The following SYT1 variants were observed in gnomAD, a reference collection of about 807,000 sequenced individuals.
The protein encoded by SYT1 is synaptotagmin-1.
In SYT1, 8 loss-of-function variants were observed where a neutral mutation model predicts 44.8. The observed-to-expected ratio is 0.18, with a 90% CI of 0.10 to 0.32. The LOEUF is 0.32. Ranked by LOEUF, SYT1 falls within the 10% of genes least tolerant of loss-of-function variation. The probability of loss-of-function intolerance (pLI) is 1.00; values close to 1 mark genes in which losing one functional copy is unlikely to be tolerated. For synonymous variants in SYT1, 154 were observed against 188.8 expected (o/e 0.82, Z 1.51); for missense variants, 286 against 509.3 (o/e 0.56, Z 4.22).
chr12:78,938,905 A>T (rs756530280), intron 1 of SYT1, among the ~76,000 whole-genome samples: 3 of 152,206 alleles, frequency 2.0e-5, no homozygotes, highest in Non-Finnish European at 4.4e-5. Flanking sequence ...CACTCTGCTT[A>T]AGAATCACTA....
At chr12:79,285,632 C>T (rs1291604609) in intron 4 of SYT1, among the ~76,000 whole-genome samples, 155 bp from the exon 5 acceptor site, 26 of 152,154 alleles carry the variant, frequency 1.7e-4, no homozygotes. Flanking sequence ...AGGGAGACAA[C>T]AACATGGATA....
At chr12:79,098,631 C>T (rs980861775) in intron 3 of SYT1, among the ~76,000 whole-genome samples, 2 of 152,124 alleles carry the variant, frequency 1.3e-5, no homozygotes, top group Admixed American at 1.3e-4. Context: ...ATTTAATGTT[C>T]TGGTTAGTGG....
intron 9 of SYT1, among the ~76,000 whole-genome samples, chr12:79,381,535 T>C (rs1296088023): frequency 6.6e-6 from 1 of 152,208 alleles, no homozygotes; most frequent in Admixed American, 6.5e-5. Flanking sequence ...GAATTTCTGT[T>C]AGAATAACAT....
At position 79,385,126 on chromosome 12, in the gene SYT1, A is replaced by G. The variant is rs1449028772; in HGVS notation, c.928+31507A>G. Reference sequence around the variant, plus strand: ...CTCAGCCTCTCTAGTAGTTGGGATTACAGGCACCCACCACCATGCCCAGCT... The same window carrying G: ...CTCAGCCTCTCTAGTAGTTGGGATTGCAGGCACCCACCACCATGCCCAGCT... On this transcript the variant is annotated intron_variant, in intron 9 of 10. Coordinates refer to ENST00000261205, the MANE Select transcript of SYT1 (RefSeq NM_005639.3). Among the ~76,000 whole-genome samples the G allele has an allele frequency of 2.0e-5, 3 of 151,150 alleles. No homozygotes were observed. The East Asian group carries it at 5.9e-4, about 30-fold the overall frequency.
intron 4 of SYT1, among the ~76,000 whole-genome samples, chr12:79,242,101 T>C (rs1382025439): frequency 1.3e-5 from 2 of 152,186 alleles, no homozygotes; most frequent in African/African-American, 4.8e-5. Context: ...CCCCTAAAAC[T>C]GTGAGAGAAT....
intron 4 of SYT1, among the ~76,000 whole-genome samples, chr12:79,222,303 T>C (rs780142898): frequency 2.0e-5 from 3 of 152,088 alleles, no homozygotes; most frequent in Non-Finnish European, 4.4e-5. Flanking sequence ...TTGGAGACCT[T>C]TGATTTTTCT....
At chr12:79,051,286 ATATC>A in intron 3 of SYT1, among the ~76,000 whole-genome samples, 1 of 150,994 alleles carries the variant, frequency 6.6e-6, no homozygotes, top group Non-Finnish European at 1.5e-5. Flanking sequence ...TAAAAGTTAT[ATATC>A]TCCACAGTAT....
chr12:79,019,632 C>T (rs1417166004), intron 2 of SYT1, among the ~76,000 whole-genome samples: 2 of 151,890 alleles, frequency 1.3e-5, no homozygotes, highest in African/African-American at 2.4e-5. Context: ...CTTTTAACTT[C>T]GATGGGAAAA....
intron 3 of SYT1, among the ~76,000 whole-genome samples, chr12:79,173,796 T>C (rs1374126897): frequency 6.6e-6 from 1 of 152,102 alleles, no homozygotes; most frequent in African/African-American, 2.4e-5. Context: ...TTAATGAATT[T>C]AGTCAGTACG....
chr12:79,413,328 T>A (rs1868543789), intron 9 of SYT1, among the ~76,000 whole-genome samples: 1 of 152,218 alleles, frequency 6.6e-6, no homozygotes, highest in Non-Finnish European at 1.5e-5. Flanking sequence ...CTCTTGTCTC[T>A]GTAGAGTGGC....
intron 3 of SYT1, among the ~76,000 whole-genome samples, chr12:79,069,098 G>T (rs778862562): frequency 2.6e-5 from 4 of 152,122 alleles, no homozygotes; most frequent in Non-Finnish European, 5.9e-5. Flanking sequence ...GGCAGTTAAT[G>T]ATTATAGTTT....
intron 9 of SYT1, among the ~76,000 whole-genome samples, chr12:79,359,662 G>A (rs1007561785): frequency 6.6e-6 from 1 of 152,036 alleles, no homozygotes; most frequent in Admixed American, 6.6e-5. Flanking sequence ...TGACCTAGGC[G>A]AGCAAAATTT....
At chr12:79,417,424 T>C (rs1157039342) in intron 9 of SYT1, among the ~76,000 whole-genome samples, 1 of 152,118 alleles carries the variant, frequency 6.6e-6, no homozygotes, top group Admixed American at 6.6e-5. Context: ...CAACCTGCCT[T>C]GGTTTAGGCC....
chr12:79,211,199 AT>A (rs906483382), intron 3 of SYT1, among the ~76,000 whole-genome samples: 1 of 152,046 alleles, frequency 6.6e-6, no homozygotes, highest in Non-Finnish European at 1.5e-5. Flanking sequence ...CTGTCTCATA[AT>A]TTGTGTTTTT....
At position 79,366,656 on chromosome 12, in the gene SYT1, G is replaced by A. The variant is rs533077021; in HGVS notation, c.928+13037G>A. ...CAACTGGCCCTGGAAAGCCTGGATC[G>A]GAAGCCTTTAACCTTTCTGATCCTC... On this transcript the variant is annotated intron_variant, in intron 9 of 10. Transcript: ENST00000261205. Among the ~76,000 whole-genome samples, 7 of 152,324 alleles carry A rather than the reference G, an allele frequency of 4.6e-5. No homozygotes were observed. In the South Asian group the frequency reaches 1.2e-3, roughly 27 times the overall value.
At chr12:79,269,660 C>T (rs1878315907) in intron 4 of SYT1, among the ~76,000 whole-genome samples, 1 of 152,002 alleles carries the variant, frequency 6.6e-6, no homozygotes, top group Non-Finnish European at 1.5e-5. Context: ...ATAATCTGCA[C>T]TCGGGTACCA....
intron 3 of SYT1, among the ~76,000 whole-genome samples, chr12:79,085,706 T>C (rs1877335665): frequency 6.6e-6 from 1 of 152,164 alleles, no homozygotes; most frequent in Admixed American, 6.6e-5. Context: ...TTTCCTCATC[T>C]ATGTAAATGA....
rs71091659 is a variant in SYT1 at position 79,293,325 on chromosome 12, A to AAAAAT, written c.474+1276_474+1280dup. On this transcript the variant is annotated intron_variant, in intron 6 of 10. Transcript: ENST00000261205. The stretch of plus-strand genomic sequence containing the variant: ...GGCGACAGAGCGAGACTCCATCTCA[A>AAAAAT]AAAATAAAATAAAATAAAATAAAAT... Among the ~76,000 whole-genome samples the AAAAAT allele has an allele frequency of 5.4e-3, 601 of 111,516 alleles. 25 individuals are homozygous for AAAAAT. The highest frequency in any genetic ancestry group is 6.7e-3 in the Non-Finnish European group (366 of 54,714). The allele number at this position is 111,516 out of a possible 152,430, so 73.2% of individuals were successfully genotyped here.
chr12:78,864,701 C>G (rs561083873), upstream of SYT1: 1 of 152,596 alleles, frequency 6.6e-6, no homozygotes, highest in Non-Finnish European at 1.5e-5. Context: ...AGATGATGGG[C>G]GGCCGCCTCC....
Sources: gnomAD v4.1 joint callset for allele counts (sites outside exome capture counted in the v4.1 genomes callset) on GRCh38, gnomAD v4.1.1 for gene constraint, MANE v1.5 for transcripts, NCBI Gene and HGNC (gene_info 2026-07-23, HGNC 2026-07-21) for gene names.